HAUS6: variants seen among roughly 807,000 people sequenced by gnomAD.
HAUS6 encodes the protein HAUS augmin like complex subunit 6.
In HAUS6, 80 loss-of-function variants were observed where a neutral mutation model predicts 106.8. The observed-to-expected ratio is 0.75, with a 90% CI of 0.63 to 0.90. The LOEUF (loss-of-function observed/expected upper bound fraction) is 0.90, where lower values mean the gene tolerates loss of function less well. HAUS6 is among the 40% of genes least tolerant of loss of function. The pLI, the probability that HAUS6 is intolerant of heterozygous loss-of-function variation, is 0.00. For synonymous variants in HAUS6, 356 were observed against 379.1 expected (o/e 0.94, Z 0.71); for missense variants, 1,155 against 1,118.1 (o/e 1.03, Z -0.47).
chr9:19,070,700 A>G (rs1010884136), intron 11 of HAUS6, among the ~76,000 whole-genome samples: 1 of 152,220 alleles, frequency 6.6e-6, no homozygotes, highest in Non-Finnish European at 1.5e-5. Context: ...TCTTCAACCT[A>G]TGACTGAATA....
intron 12 of HAUS6, chr9:19,065,232 C>T (rs1836735396): frequency 6.6e-6 from 1 of 152,206 alleles, no homozygotes; most frequent in Non-Finnish European, 1.5e-5. Context: ...TAATCTAAGA[C>T]AAGTTTAAAG....
chr9:19,059,125 G>A (rs948847724), intron 15 of HAUS6, 124 bp from the exon 16 acceptor site: 8 of 621,722 alleles, frequency 1.3e-5, no homozygotes, highest in South Asian at 2.1e-5. Context: ...TAAATATACT[G>A]GTTGGATGAT....
Position 19,058,064 on chromosome 9 carries a change from AC to A in HAUS6, c.2702del (p.Gly901ValfsTer10). ...GTGGTGAAAGAGACCGTTTTCTTTC[AC>A]CGATGGACGTGCGTAAAGATGGCTT... ...HIKPSLRTSI[G>X]ERKRSLSPLI... On this transcript the variant is annotated frameshift_variant, in exon 16 of 17. Coordinates refer to ENST00000380502, the MANE Select transcript of HAUS6 (RefSeq NM_017645.5). LOFTEE classifies it high-confidence loss of function. 6.2e-7 allele frequency: 1 copy of A among 1,613,890 alleles called. No homozygotes were observed. The highest frequency in any genetic ancestry group is 8.5e-7 in the Non-Finnish European group (1 of 1,179,758).
chr9:19,084,051 CAAAAAA>C (rs35034404), intron 7 of HAUS6, among the ~76,000 whole-genome samples: 13 of 100,440 alleles, frequency 1.3e-4, no homozygotes, highest in African/African-American at 2.7e-4. Flanking sequence ...AGGATCCTTG[CAAAAAA>C]AAAAAAAAAA....
At chr9:19,092,916 C>CAAAAAAAAAAAAAAAAAAAAAAAA (rs71494998) in intron 4 of HAUS6, among the ~76,000 whole-genome samples, 3 of 76,232 alleles carry the variant, frequency 3.9e-5, no homozygotes, top group Non-Finnish European at 5.8e-5. Flanking sequence ...AACTGTGTCT[C>CAAAAAAAAAAAAAAAAAAAAAAAA]AAAAAAAAAA....
chr9:19,094,987 T>A (rs1217558868), intron 2 of HAUS6, among the ~76,000 whole-genome samples: 1 of 151,704 alleles, frequency 6.6e-6, no homozygotes, highest in Non-Finnish European at 1.5e-5. Context: ...AAGACAACAA[T>A]CTCAATGGAT....
chr9:19,099,823 G>A (rs1247894167), intron 1 of HAUS6, among the ~76,000 whole-genome samples: 1 of 152,168 alleles, frequency 6.6e-6, no homozygotes, highest in Non-Finnish European at 1.5e-5. Flanking sequence ...GCTGACGCGG[G>A]AGGATCACTT....
chr9:19,076,765 T>C, intron 10 of HAUS6, 61 bp from the exon 11 acceptor site: 1 of 760,202 alleles, frequency 1.3e-6, no homozygotes, highest in Non-Finnish European at 2.4e-6. Context: ...ACAATAACAA[T>C]ACTGAGTTAA....
At chr9:19,083,142 T>C in intron 7 of HAUS6, 99 bp from the exon 8 acceptor site, 1 of 544,546 alleles carries the variant, frequency 1.8e-6, no homozygotes. Flanking sequence ...TTTCCTAGAA[T>C]GATTTCTAGT....
At chr9:19,065,584 T>G (rs1040059283) in intron 12 of HAUS6, among the ~76,000 whole-genome samples, 1 of 152,204 alleles carries the variant, frequency 6.6e-6, no homozygotes, top group East Asian at 1.9e-4. Flanking sequence ...CTCACGCCTG[T>G]AATCCCACCA....
At chr9:19,099,325 C>A (rs1480484798) in intron 1 of HAUS6, among the ~76,000 whole-genome samples, 1 of 151,910 alleles carries the variant, frequency 6.6e-6, no homozygotes, top group South Asian at 2.1e-4. Flanking sequence ...CGCCAACACG[C>A]CCGGCTAATT....
At chr9:19,077,579 G>A (rs957171244) in intron 10 of HAUS6, among the ~76,000 whole-genome samples, 3 of 151,762 alleles carry the variant, frequency 2.0e-5, no homozygotes, top group African/African-American at 4.8e-5. Context: ...ACAATCCTTC[G>A]AATCTAAAAA....
chr9:19,102,008 A>C (rs1476776317), intron 1 of HAUS6, among the ~76,000 whole-genome samples: 1 of 152,208 alleles, frequency 6.6e-6, no homozygotes, highest in East Asian at 1.9e-4. Flanking sequence ...AAAAGTAGGG[A>C]AGGGGCTTTT....
At chr9:19,061,739 G>A (rs1401220956) in intron 14 of HAUS6, among the ~76,000 whole-genome samples, 1 of 152,192 alleles carries the variant, frequency 6.6e-6, no homozygotes, top group East Asian at 1.9e-4. Context: ...GAAGGCTGAG[G>A]TGGAAGGATC....
In HAUS6 at chr9:19,102,598, C is replaced by G; in HGVS notation, c.54G>C (p.Leu18=). 3 of 1,613,882 alleles carry G rather than the reference C, an allele frequency of 1.9e-6. No individual in the cohort carries two copies. Among genetic ancestry groups the G allele is most frequent in the Non-Finnish European group, 1.7e-6 (2 of 1,179,882 alleles). ...GGCCTGGCTCGAAGCCGAGCGCCTG[C>G]AGATACATCCAGAGATGCTCCTTCT... ...AFEKEHLWMY[L]QALGFEPGPA... is the part of the protein sequence containing the mutation. Residue 18 remains leucine, a synonymous_variant, in exon 1 of 17, where the codon CTG becomes CTC. Coordinates refer to ENST00000380502, the MANE Select transcript of HAUS6 (RefSeq NM_017645.5).
At chr9:19,088,461 T>G (rs1040594402) in intron 5 of HAUS6, among the ~76,000 whole-genome samples, 7 of 151,472 alleles carry the variant, frequency 4.6e-5, no homozygotes, top group Admixed American at 1.3e-4. Flanking sequence ...ATGCAAAAAT[T>G]TACAGAATGA....
intron 10 of HAUS6, among the ~76,000 whole-genome samples, chr9:19,077,379 A>T (rs1278577433): frequency 6.6e-6 from 1 of 152,108 alleles, no homozygotes; most frequent in Admixed American, 6.6e-5. Flanking sequence ...TACTGAAAAT[A>T]GAAAAATTAG....
chr9:19,084,357 G>A (rs1455305183), intron 7 of HAUS6, among the ~76,000 whole-genome samples: 2 of 152,128 alleles, frequency 1.3e-5, no homozygotes. Context: ...TTTCCCCGTG[G>A]GGGCAAACAG....
intron 12 of HAUS6, among the ~76,000 whole-genome samples, chr9:19,069,261 G>C (rs758149921): frequency 5.3e-5 from 8 of 152,130 alleles, no homozygotes; most frequent in African/African-American, 1.4e-4. Context: ...ATTTGCATTA[G>C]ATAATTTCCA....
Sources: allele counts gnomAD v4.1 joint callset (sites outside exome capture counted in the v4.1 genomes callset), GRCh38; gene constraint gnomAD v4.1.1; transcripts MANE v1.5; gene names NCBI Gene and HGNC (gene_info 2026-07-23, HGNC 2026-07-21).